VPS13A: variants seen among roughly 807,000 people sequenced by gnomAD.
VPS13A encodes the protein intermembrane lipid transfer protein VPS13A.
Under a neutral mutation model 390.9 loss-of-function variants are expected in VPS13A, and 264 were observed. The ratio of observed to expected loss-of-function variants is 0.68; its 90% CI spans 0.61 to 0.75. The LOEUF (loss-of-function observed/expected upper bound fraction) is 0.75. VPS13A is among the 30% of genes least tolerant of loss of function. The pLI is 0.00. For missense variants in VPS13A, 3,409 were observed against 3,733.9 expected, an observed-to-expected ratio of 0.91 and a Z score of 2.27; for synonymous variants, 1,231 against 1,227.1, an observed-to-expected ratio of 1.00 and a Z score of -0.07.
chr9:77,334,300 CATCT>C (rs1830429207), intron 46 of VPS13A, among the ~76,000 whole-genome samples: 1 of 152,070 alleles, frequency 6.6e-6, no homozygotes, highest in Non-Finnish European at 1.5e-5. Flanking sequence ...ATTTTATCTC[CATCT>C]ATTAGTTTGA....
chr9:77,224,829 C>T (rs551303134), intron 13 of VPS13A, among the ~76,000 whole-genome samples: 12 of 152,296 alleles, frequency 7.9e-5, no homozygotes, highest in South Asian at 2.1e-4. Flanking sequence ...CAGCGTTGTA[C>T]GCTACAGATA....
At chr9:77,412,380 A>T (rs1440894226) in intron 71 of VPS13A, among the ~76,000 whole-genome samples, 4 of 152,230 alleles carry the variant, frequency 2.6e-5, no homozygotes, top group African/African-American at 9.6e-5. Context: ...GCAGCACATC[A>T]AAAAGCTTAT....
intron 54 of VPS13A, among the ~76,000 whole-genome samples, chr9:77,354,319 A>G (rs935286264): frequency 6.6e-6 from 1 of 151,972 alleles, no homozygotes; most frequent in African/African-American, 2.4e-5. Flanking sequence ...CGTGTCCCTG[A>G]CCTCTTATTG....
chr9:77,183,926 G>A (rs1414838427), intron 1 of VPS13A, among the ~76,000 whole-genome samples: 1 of 152,144 alleles, frequency 6.6e-6, no homozygotes, highest in Non-Finnish European at 1.5e-5. Flanking sequence ...TCACATACCT[G>A]TCCATCTGTC....
intron 36 of VPS13A, 141 bp downstream of exon 36, chr9:77,314,260 A>G: frequency 5.1e-6 from 5 of 974,966 alleles, no homozygotes; most frequent in Non-Finnish European, 7.5e-6. Flanking sequence ...TTACTTTAAT[A>G]ATAATTATAA....
In VPS13A at chr9:77,416,988, T is replaced by C. The variant is rs1462530543; in HGVS notation, c.*982T>C. The C allele has an allele frequency of 6.6e-6, 1 of 152,530 alleles. No homozygotes were observed. The highest frequency in any genetic ancestry group is 1.5e-5 in the Non-Finnish European group (1 of 68,034). 9.4% of individuals were successfully genotyped at this position (152,530 alleles called of 1,614,324 possible). ...TTGAGAATTTCTGGTTTGCTTACTC[T>C]ACAGTTATTCAAATGAGAGTCACGC... is the stretch of plus-strand genomic sequence containing the variant. On this transcript the variant is annotated 3_prime_UTR_variant, in exon 72 of 72. Transcript: ENST00000360280.
chr9:77,235,889 G>A (rs72742599), intron 17 of VPS13A, among the ~76,000 whole-genome samples: 2,762 of 152,148 alleles, frequency 0.018, 34 homozygotes, highest in Non-Finnish European at 0.028. Flanking sequence ...AGAATGGTGC[G>A]AAAGTGATCC....
At chr9:77,316,112 TATAAA>T (rs1165897057) in intron 38 of VPS13A, 57 bp from the exon 39 acceptor site, 1 of 915,210 alleles carries the variant, frequency 1.1e-6, no homozygotes, top group Non-Finnish European at 1.4e-6. Flanking sequence ...AATATTTTCT[TATAAA>T]TAATAAATTA....
intron 63 of VPS13A, among the ~76,000 whole-genome samples, chr9:77,370,021 G>T (rs917204882): frequency 1.4e-4 from 21 of 152,110 alleles, no homozygotes; most frequent in African/African-American, 5.1e-4. Context: ...CTGTACTTTG[G>T]TGAGTTGCCG....
chr9:77,280,221 A>G lies in VPS13A; in HGVS notation c.2887A>G (p.Thr963Ala). 1 of 1,612,754 alleles carries G rather than the reference A, an allele frequency of 6.2e-7. No homozygotes were observed. Reference protein sequence around the residue: ...TLDNTMEDLLTLEYVKAEKNV... With the variant: ...TLDNTMEDLLALEYVKAEKNV... The stretch of plus-strand genomic sequence containing the variant: ...GGATAACACAATGGAAGACCTGTTA[A>G]CGCTGGAATATGTAAAGGTAAGCAG... The change falls in exon 27 of 72, where the codon ACG becomes GCG. Residue 963 changes from threonine (T) to alanine (A), a missense_variant. Physicochemically the swap from Thr to Ala is moderately conservative, Grantham distance 58. This residue lies in a region of VPS13A where 2,717 missense variants were observed against 2,917.4 expected (regional missense o/e 0.93). Coordinates refer to ENST00000360280, the MANE Select transcript of VPS13A (RefSeq NM_033305.3).
Position 77,283,506 on chromosome 9 carries a change from A to G in VPS13A, c.3235+35A>G, listed in dbSNP as rs937039083. 3 of 1,607,070 alleles carry G rather than the reference A, an allele frequency of 1.9e-6. No homozygotes were observed. The South Asian group carries it at 3.3e-5, about 18-fold the overall frequency. ...TTTCACAAAAAGCAAATTAAAAGACATTAAATGAAAGAAAAGGCAGTCATT... is the reference window on the plus strand; with the variant it reads ...TTTCACAAAAAGCAAATTAAAAGACGTTAAATGAAAGAAAAGGCAGTCATT... On this transcript the variant is annotated intron_variant, in intron 30 of 71. Transcript: ENST00000360280.
At chr9:77,296,160 C>G (rs1827985375) in intron 33 of VPS13A, among the ~76,000 whole-genome samples, 1 of 152,148 alleles carries the variant, frequency 6.6e-6, no homozygotes, top group African/African-American at 2.4e-5. Flanking sequence ...TGAGGAATTT[C>G]TAATGTAATA....
At chr9:77,225,461 G>A (rs1205389276) in intron 13 of VPS13A, among the ~76,000 whole-genome samples, 1 of 152,096 alleles carries the variant, frequency 6.6e-6, no homozygotes, top group Admixed American at 6.6e-5. Context: ...GCCCAGGCTG[G>A]TCTGGAACTC....
chr9:77,408,722 G>A (rs1029888220), intron 71 of VPS13A, among the ~76,000 whole-genome samples: 8 of 152,136 alleles, frequency 5.3e-5, no homozygotes, highest in African/African-American at 1.7e-4. Flanking sequence ...TGAGATCAAA[G>A]TGCAAGGCAG....
At chr9:77,313,523 A>G (rs1829213608) in intron 35 of VPS13A, among the ~76,000 whole-genome samples, 1 of 152,350 alleles carries the variant, frequency 6.6e-6, no homozygotes, top group South Asian at 2.1e-4. Context: ...TAATATGTGC[A>G]TATAATGCCT....
chr9:77,315,921 T>G (rs1330745200), intron 38 of VPS13A, among the ~76,000 whole-genome samples: 2 of 151,914 alleles, frequency 1.3e-5, no homozygotes, highest in Non-Finnish European at 1.5e-5. Context: ...GTAGAAAGAG[T>G]ATCAAGTTGA....
chr9:77,406,034 T>C (rs1287363213), intron 70 of VPS13A, 47 bp downstream of exon 70: 2 of 1,606,684 alleles, frequency 1.2e-6, no homozygotes. Flanking sequence ...CTGAAAATAA[T>C]GCTTTGAAGT....
intron 22 of VPS13A, among the ~76,000 whole-genome samples, chr9:77,254,223 G>T (rs983977612): frequency 6.6e-6 from 1 of 152,066 alleles, no homozygotes; most frequent in African/African-American, 2.4e-5. Flanking sequence ...GATTACAGGC[G>T]TGAGCCACTG....
At position 77,199,839 on chromosome 9, in the gene VPS13A, A is replaced by C. The variant is rs185381432; in HGVS notation, c.101-106A>C. On this transcript the variant is annotated intron_variant, in intron 1 of 71. Coordinates refer to ENST00000360280, the MANE Select transcript of VPS13A (RefSeq NM_033305.3). ...GCAGATTATATTATCTGTTATGCAC[A>C]TTATTTATATATTTTTCCTGATTAT... 2.4e-3 allele frequency: 2,057 copies of C among 874,560 alleles called. 1 individual carries two copies. The highest frequency in any genetic ancestry group is 3.2e-3 in the Non-Finnish European group (1,793 of 568,894). The allele number at this position is 874,560 out of a possible 1,614,324, so 54.2% of individuals were successfully genotyped here.
Sources: gnomAD v4.1 joint callset for allele counts (sites outside exome capture counted in the v4.1 genomes callset) on GRCh38, gnomAD v4.1.1 for gene constraint, gnomAD v4.1.1 regional missense constraint, MANE v1.5 for transcripts, NCBI Gene and HGNC (gene_info 2026-07-23, HGNC 2026-07-21) for gene names.